ARFGEF1: variants seen among roughly 807,000 people sequenced by gnomAD.
ARFGEF1 encodes brefeldin A-inhibited guanine nucleotide-exchange protein 1.
In ARFGEF1, 42 loss-of-function variants were observed where a neutral mutation model predicts 231.0. That is an observed-to-expected ratio of 0.18 (90% CI 0.14 to 0.24). ARFGEF1 has a LOEUF of 0.24. Among genes scored for constraint, ARFGEF1 ranks in the 10% least tolerant of loss-of-function variants. The pLI is 1.00. For missense variants in ARFGEF1, 1,345 were observed against 2,192.0 expected (o/e 0.61, Z 7.72); for synonymous variants, 710 against 732.3 (o/e 0.97, Z 0.49).
chr8:67,197,628 T>C (rs1838113151), downstream of ARFGEF1: 1 of 985,568 alleles, frequency 1.0e-6, no homozygotes, highest in African/African-American at 1.7e-5. Context: ...TAGACCAGAA[T>C]CAATGAAACA....
At chr8:67,222,221 A>ATGTG (rs71249425) in intron 29 of ARFGEF1, among the ~76,000 whole-genome samples, 14 of 114,202 alleles carry the variant, frequency 1.2e-4, no homozygotes, top group Admixed American at 2.8e-4. Flanking sequence ...ACATATATAT[A>ATGTG]TATGTATATG....
chr8:67,262,337 T>C (rs1351201929), intron 14 of ARFGEF1, among the ~76,000 whole-genome samples: 4 of 152,208 alleles, frequency 2.6e-5, no homozygotes, highest in African/African-American at 9.6e-5. Flanking sequence ...TGACACTGAA[T>C]TGCTGTAACC....
At chr8:67,178,632 T>C (rs1832257067) in intron 5 of ARFGEF1, among the ~76,000 whole-genome samples, 1 of 152,098 alleles carries the variant, frequency 6.6e-6, no homozygotes, top group South Asian at 2.1e-4. Flanking sequence ...GCTCACTGGG[T>C]AGGCAACATT....
chr8:67,246,879 A>C (rs1305255918), intron 19 of ARFGEF1, among the ~76,000 whole-genome samples: 2 of 150,408 alleles, frequency 1.3e-5, no homozygotes, highest in African/African-American at 5.0e-5. Flanking sequence ...GACCGAAGAC[A>C]CAAATAAATA....
Position 67,299,426 on chromosome 8 carries a change from T to C in ARFGEF1, c.313-71A>G, listed in dbSNP as rs922115530. On this transcript the variant is annotated intron_variant, in intron 3 of 38. Coordinates refer to ENST00000262215, the MANE Select transcript of ARFGEF1 (RefSeq NM_006421.5). ...ATTATACATACTAATGCAATATACA[T>C]TAAAATTACAGTATACAATTGAATA... is the stretch of plus-strand genomic sequence containing the variant. 5.9e-6 allele frequency: 8 copies of C among 1,359,552 alleles called. No individual in the cohort carries two copies. In the African/African-American group the frequency reaches 6.1e-5, roughly 10 times the overall value. 84.2% of individuals were successfully genotyped at this position (1,359,552 alleles called of 1,614,324 possible).
chr8:67,301,138 G>A, intron 3 of ARFGEF1, 86 bp downstream of exon 3: 1 of 1,271,246 alleles, frequency 7.9e-7, no homozygotes, highest in Non-Finnish European at 1.1e-6. Flanking sequence ...AAGCTTTCAT[G>A]GAAATGTCTG....
chr8:67,323,384 G>C (rs1807684609), intron 1 of ARFGEF1, among the ~76,000 whole-genome samples: 2 of 152,140 alleles, frequency 1.3e-5, no homozygotes, highest in East Asian at 3.9e-4. Flanking sequence ...AACTTAACCT[G>C]ATAACTTAAA....
chr8:67,206,079 A>C (rs1301645805), intron 34 of ARFGEF1, among the ~76,000 whole-genome samples: 1 of 151,962 alleles, frequency 6.6e-6, no homozygotes, highest in Non-Finnish European at 1.5e-5. Flanking sequence ...ATTACCTCTT[A>C]TTTTCAAAGA....
intron 23 of ARFGEF1, among the ~76,000 whole-genome samples, chr8:67,230,294 C>T (rs181779188): frequency 6.6e-6 from 1 of 152,080 alleles, no homozygotes; most frequent in East Asian, 1.9e-4. Context: ...GCACAAGAAC[C>T]TTGTTTGTGA....
intron 19 of ARFGEF1, among the ~76,000 whole-genome samples, chr8:67,245,069 G>A (rs1840063506): frequency 6.6e-6 from 1 of 150,628 alleles, no homozygotes; most frequent in East Asian, 1.9e-4. Context: ...ACAGTGGTAT[G>A]ACATATTTAA....
rs1360305790 is a variant in ARFGEF1 at position 67,267,219 on chromosome 8, C to T, written c.1684G>A (p.Val562Ile). ...LTRICADAQS[V>I]VDIYVNYDCD... ...TCATAGTTTACATAAATATCCACTA[C>T]ACTCTGAGCATCTGTAACAATATAA... The change falls in exon 12 of 39, where the codon GTA becomes ATA. Residue 562 changes from valine (V) to isoleucine (I), a missense_variant. Coordinates refer to ENST00000262215, the MANE Select transcript of ARFGEF1 (RefSeq NM_006421.5). The T allele has an allele frequency of 1.9e-6, 3 of 1,612,496 alleles. No individual in the cohort carries two copies. The highest frequency in any genetic ancestry group is 2.2e-5 in the East Asian group (1 of 44,788).
intron 29 of ARFGEF1, among the ~76,000 whole-genome samples, chr8:67,223,221 T>C (rs1839261209): frequency 6.6e-6 from 1 of 152,192 alleles, no homozygotes; most frequent in Non-Finnish European, 1.5e-5. Flanking sequence ...TATTTGTTGT[T>C]GTTAAAGACA....
chr8:67,206,751 G>A (rs1248714325), intron 34 of ARFGEF1, among the ~76,000 whole-genome samples: 3 of 152,196 alleles, frequency 2.0e-5, no homozygotes, highest in African/African-American at 4.8e-5. Context: ...AGATTCTCAG[G>A]GGCAGCTTTG....
chr8:67,195,414 A>G (rs1837731592), downstream of ARFGEF1: 1 of 1,614,128 alleles, frequency 6.2e-7, no homozygotes, highest in Non-Finnish European at 8.5e-7. Flanking sequence ...CCCTGATGAC[A>G]TCATGAAACA....
At chr8:67,175,408 C>T, downstream of ARFGEF1, 1 of 1,614,162 alleles carries the variant, frequency 6.2e-7, no homozygotes, top group Non-Finnish European at 8.5e-7. Context: ...AGAGGCTGAA[C>T]AGAATAAAAA....
intron 6 of ARFGEF1, among the ~76,000 whole-genome samples, chr8:67,291,278 A>G (rs925375405): frequency 6.6e-6 from 1 of 152,272 alleles, no homozygotes; most frequent in South Asian, 2.1e-4. Flanking sequence ...TTATAATCTT[A>G]TAAGCGTTTT....
rs116113164 is a variant in ARFGEF1 at position 67,199,164 on chromosome 8, G to A, written c.5386-66C>T. The A allele has an allele frequency of 1.9e-4, 290 of 1,552,700 alleles. 2 individuals carry two copies. In the African/African-American group the frequency reaches 3.9e-3, roughly 21 times the overall value. On this transcript the variant is annotated intron_variant, in intron 38 of 38. Coordinates refer to ENST00000262215, the MANE Select transcript of ARFGEF1 (RefSeq NM_006421.5). The stretch of plus-strand genomic sequence containing the variant: ...ACTGCAGAGCCTTAAACTGCCTAGA[G>A]TCAAACTACTCTGGGGCTCCATCAC...
At chr8:67,221,971 GC>G (rs1370661339) in intron 29 of ARFGEF1, among the ~76,000 whole-genome samples, 1 of 148,888 alleles carries the variant, frequency 6.7e-6, no homozygotes, top group Admixed American at 6.7e-5. Context: ...CCACCACCAC[GC>G]CCGGCTAATT....
intron 10 of ARFGEF1, among the ~76,000 whole-genome samples, chr8:67,269,291 C>T (rs1289026073): frequency 6.6e-6 from 1 of 150,398 alleles, no homozygotes; most frequent in Non-Finnish European, 1.5e-5. Context: ...CATGTAAAAA[C>T]AATCTTAATT....
Sources: gnomAD v4.1 joint callset for allele counts (sites outside exome capture counted in the v4.1 genomes callset) on GRCh38, gnomAD v4.1.1 for gene constraint, MANE v1.5 for transcripts, NCBI Gene and HGNC (gene_info 2026-07-23, HGNC 2026-07-21) for gene names.